SFMBT2: variants seen among roughly 807,000 people sequenced by gnomAD.
The protein encoded by SFMBT2 is scm-like with four MBT domains protein 2.
In SFMBT2, 38 loss-of-function variants were observed where a neutral mutation model predicts 110.1. The ratio of observed to expected loss-of-function variants is 0.35; its 90% CI spans 0.27 to 0.45. SFMBT2 has a LOEUF of 0.45. Among genes scored for constraint, SFMBT2 ranks in the 20% least tolerant of loss-of-function variants. The pLI is 1.00. For missense variants in SFMBT2, 1,011 were observed against 1,094.9 expected, an observed-to-expected ratio of 0.92 and a Z score of 1.08; for synonymous variants, 425 against 425.4, an observed-to-expected ratio of 1.00 and a Z score of 0.01.
chr10:7,234,861 A>G (rs1762063480), intron 9 of SFMBT2, among the ~76,000 whole-genome samples: 1 of 152,254 alleles, frequency 6.6e-6, no homozygotes, highest in African/African-American at 2.4e-5. Context: ...CACAGAGGGC[A>G]GACAACAGCC....
Position 7,175,900 on chromosome 10 carries a change from A to G in SFMBT2, c.1984+90T>C, listed in dbSNP as rs577022313. On this transcript the variant is annotated intron_variant, in intron 17 of 20. Coordinates refer to ENST00000397167, the MANE Select transcript of SFMBT2 (RefSeq NM_001387889.1). ...AAGACTAGTCAAAAGGTTCAAAAAG[A>G]AAAAAGCAAATGAAACAAAAACCAA... 353 of 1,263,540 alleles carry G rather than the reference A, an allele frequency of 2.8e-4. 6 individuals are homozygous for G. The South Asian group carries it at 4.3e-3, about 15-fold the overall frequency. 78.3% of individuals were successfully genotyped at this position (1,263,540 alleles called of 1,614,324 possible).
chr10:7,375,256 G>A (rs1588491774), intron 2 of SFMBT2, among the ~76,000 whole-genome samples: 1 of 152,174 alleles, frequency 6.6e-6, no homozygotes, highest in African/African-American at 2.4e-5. Flanking sequence ...TGTAAGTGAC[G>A]TGAGAGTGAA....
intron 20 of SFMBT2, among the ~76,000 whole-genome samples, chr10:7,167,576 A>C (rs1235030701): frequency 6.6e-6 from 1 of 152,196 alleles, no homozygotes; most frequent in African/African-American, 2.4e-5. Context: ...CTGTAATCTC[A>C]GACAATGCCT....
intron 4 of SFMBT2, among the ~76,000 whole-genome samples, chr10:7,361,303 ATT>A (rs1230833309): frequency 6.6e-6 from 1 of 152,234 alleles, no homozygotes; most frequent in Non-Finnish European, 1.5e-5. Context: ...TAAAATATAA[ATT>A]TTAAAAAGGG....
At chr10:7,361,416 C>T (rs941441901) in intron 4 of SFMBT2, among the ~76,000 whole-genome samples, 2 of 152,198 alleles carry the variant, frequency 1.3e-5, no homozygotes, top group African/African-American at 4.8e-5. Flanking sequence ...TTTCCTGTCC[C>T]ATGTGCCACC....
intron 4 of SFMBT2, among the ~76,000 whole-genome samples, chr10:7,320,013 GGAGA>G (rs1284328267): frequency 7.4e-6 from 1 of 135,440 alleles, no homozygotes; most frequent in African/African-American, 2.8e-5. Context: ...AGACAGAGAA[GGAGA>G]GAGACAGAAA....
At chr10:7,341,788 C>T (rs1843912685) in intron 4 of SFMBT2, among the ~76,000 whole-genome samples, 1 of 152,144 alleles carries the variant, frequency 6.6e-6, no homozygotes, top group Non-Finnish European at 1.5e-5. Flanking sequence ...ATTGATTAAA[C>T]AAGGATGGCT....
chr10:7,246,151 T>A (rs1467302406), intron 8 of SFMBT2: 2 of 984,846 alleles, frequency 2.0e-6, no homozygotes, highest in Non-Finnish European at 2.4e-6. Context: ...GAGGGGTGTA[T>A]ACGAAACGGC....
At position 7,268,670 on chromosome 10, in the gene SFMBT2, C is replaced by G. The variant is rs138813030; in HGVS notation, c.870+8222G>C. 8.6e-3 allele frequency among the ~76,000 whole-genome samples: 1,312 copies of G among 152,184 alleles called. 20 individuals carry two copies. Among genetic ancestry groups the G allele is most frequent in the African/African-American group, 0.03 (1,265 of 41,510 alleles). ...GGATCACAGGTGCCCACCACCACGC[C>G]CAGCTAATTTTTGTATTTTTAATAG... is the stretch of plus-strand genomic sequence containing the variant. On this transcript the variant is annotated intron_variant, in intron 7 of 20. Coordinates refer to ENST00000397167, the MANE Select transcript of SFMBT2 (RefSeq NM_001387889.1).
chr10:7,348,733 T>G (rs879106980), intron 4 of SFMBT2, among the ~76,000 whole-genome samples: 4 of 152,336 alleles, frequency 2.6e-5, no homozygotes, highest in Non-Finnish European at 5.9e-5. Context: ...GCAGGCAGAT[T>G]TTTTTTAAAA....
At chr10:7,177,769 G>A (rs955141794) in intron 16 of SFMBT2, among the ~76,000 whole-genome samples, 1 of 151,954 alleles carries the variant, frequency 6.6e-6, no homozygotes, top group African/African-American at 2.4e-5. Context: ...GAGGCAGGAG[G>A]ATTCCTTGAG....
intron 1 of SFMBT2, among the ~76,000 whole-genome samples, chr10:7,400,680 C>T (rs1352059554): frequency 6.6e-6 from 1 of 152,220 alleles, no homozygotes; most frequent in Non-Finnish European, 1.5e-5. Flanking sequence ...TTTGGCCGAA[C>T]TTCTTTTCCT....
chr10:7,297,750 T>C (rs965881672), intron 4 of SFMBT2, among the ~76,000 whole-genome samples: 1 of 152,232 alleles, frequency 6.6e-6, no homozygotes, highest in Admixed American at 6.5e-5. Context: ...AAGAGAAAAC[T>C]GAATTCAGTG....
chr10:7,320,537 A>G (rs764710437), intron 4 of SFMBT2: 15 of 932,626 alleles, frequency 1.6e-5, no homozygotes, highest in Non-Finnish European at 1.8e-5. Flanking sequence ...GAAAGGAACC[A>G]TTTCACTATA....
intron 1 of SFMBT2, among the ~76,000 whole-genome samples, chr10:7,409,600 T>C (rs1270257686): frequency 6.6e-6 from 1 of 151,782 alleles, no homozygotes; most frequent in African/African-American, 2.4e-5. Context: ...TCTCCATCCC[T>C]TTCCCCCCTA....
intron 16 of SFMBT2, chr10:7,176,458 C>A: frequency 1.0e-6 from 1 of 983,686 alleles, no homozygotes; most frequent in Non-Finnish European, 1.2e-6. Flanking sequence ...ATGAGCGGTG[C>A]GGGATACATA....
chr10:7,188,942 A>G (rs1362404760), intron 15 of SFMBT2, among the ~76,000 whole-genome samples: 1 of 152,234 alleles, frequency 6.6e-6, no homozygotes, highest in African/African-American at 2.4e-5. Flanking sequence ...GTGGTAAAAT[A>G]CAATCTCTCT....
chr10:7,269,978 C>T (rs1356210932), intron 7 of SFMBT2, among the ~76,000 whole-genome samples: 3 of 151,934 alleles, frequency 2.0e-5, no homozygotes, highest in Admixed American at 6.6e-5. Context: ...TCTGTACATA[C>T]ATGAAATGCG....
intron 1 of SFMBT2, among the ~76,000 whole-genome samples, chr10:7,392,183 C>G (rs982985312): frequency 3.9e-5 from 6 of 152,188 alleles, no homozygotes; most frequent in Non-Finnish European, 8.8e-5. Flanking sequence ...GAGAAAACAT[C>G]TAAACCCTTT....
Sources: allele counts gnomAD v4.1 joint callset (sites outside exome capture counted in the v4.1 genomes callset), GRCh38; gene constraint gnomAD v4.1.1; transcripts MANE v1.5; gene names NCBI Gene and HGNC (gene_info 2026-07-23, HGNC 2026-07-21).